The following POU2F2 variants were observed in gnomAD, a reference collection of about 807,000 sequenced individuals.
The protein encoded by POU2F2 is POU class 2 homeobox 2, also known as POU domain, class 2, transcription factor 2.
POU2F2 carries 14 observed loss-of-function variants against 63.5 expected under a neutral mutation model. That is an observed-to-expected ratio of 0.22 (90% confidence interval 0.15 to 0.34). The LOEUF (loss-of-function observed/expected upper bound fraction) is 0.34, where lower values mean the gene tolerates loss of function less well. POU2F2 is among the 10% of genes least tolerant of loss of function. POU2F2 has a pLI of 1.00. For missense variants in POU2F2, 607 were observed against 815.2 expected (o/e 0.74, Z 3.11); for synonymous variants, 306 against 348.6 (o/e 0.88, Z 1.36).
chr19:42,171,308 A>C (rs2034760671), intron 1 of POU2F2, among the ~76,000 whole-genome samples: 1 of 151,636 alleles, frequency 6.6e-6, no homozygotes, highest in African/African-American at 2.4e-5. Context: ...GTGTGTGTGT[A>C]TGCGTGTGTG....
At chr19:42,120,672 G>T (rs954220279) in intron 4 of POU2F2, among the ~76,000 whole-genome samples, 6 of 152,060 alleles carry the variant, frequency 3.9e-5, no homozygotes, top group Admixed American at 3.9e-4. Flanking sequence ...TTCCATTTGT[G>T]AAATTTCCAT....
At chr19:42,116,940 G>T in intron 5 of POU2F2, 1 of 572,894 alleles carries the variant, frequency 1.7e-6, no homozygotes, top group Non-Finnish European at 3.3e-6. Flanking sequence ...GCACGGCGGC[G>T]GCCAGGAGCT....
At chr19:42,185,642 A>G (rs1284715397) in intron 1 of POU2F2, among the ~76,000 whole-genome samples, 1 of 152,118 alleles carries the variant, frequency 6.6e-6, no homozygotes, top group Non-Finnish European at 1.5e-5. Context: ...GCTAACTTCT[A>G]TTTGACTCCA....
chr19:42,185,824 GAC>G (rs2035006524), intron 1 of POU2F2, among the ~76,000 whole-genome samples: 1 of 152,290 alleles, frequency 6.6e-6, no homozygotes, highest in East Asian at 1.9e-4. Context: ...TCCAGTAAGA[GAC>G]ACAAATGCAT....
Position 42,092,581 on chromosome 19 carries a change from C to T in POU2F2, c.1265-311G>A, listed in dbSNP as rs960678626. Reference sequence around the variant, plus strand: ...CCCAGGAGACAAAGCCCTATGGCTCCCTCTAGGGGCTGGGGAGGGGCGAAG... The same window carrying T: ...CCCAGGAGACAAAGCCCTATGGCTCTCTCTAGGGGCTGGGGAGGGGCGAAG... On this transcript the variant is annotated intron_variant, in intron 12 of 14. Coordinates refer to ENST00000692977, the MANE Select transcript of POU2F2 (RefSeq NM_001394376.1). This position sits in a 1 kb window ranked among gnomAD's most constrained non-coding sequence, Gnocchi z 5.0. Among the ~76,000 whole-genome samples, 15 of 152,198 alleles carry T rather than the reference C, an allele frequency of 9.9e-5. No homozygotes were observed. The highest frequency in any genetic ancestry group is 7.2e-4 in the Admixed American group (11 of 15,276).
At chr19:42,172,881 G>A (rs2034798202) in intron 1 of POU2F2, among the ~76,000 whole-genome samples, 1 of 152,212 alleles carries the variant, frequency 6.6e-6, no homozygotes, top group Non-Finnish European at 1.5e-5. Flanking sequence ...AAGAGACAGA[G>A]CCAGTGAAAG....
intron 2 of POU2F2, among the ~76,000 whole-genome samples, chr19:42,158,500 C>T (rs1050975789): frequency 6.6e-5 from 10 of 152,220 alleles, no homozygotes; most frequent in Admixed American, 3.9e-4. Context: ...GTTGCCTTCA[C>T]GCTCTGTGCC....
intron 1 of POU2F2, among the ~76,000 whole-genome samples, chr19:42,161,639 G>C (rs1017805464): frequency 3.3e-5 from 5 of 151,942 alleles, no homozygotes; most frequent in Non-Finnish European, 5.9e-5. Context: ...TGAAGGGAGC[G>C]GGGGCAAAGA....
At chr19:42,119,400 C>T (rs900744263) in intron 4 of POU2F2, among the ~76,000 whole-genome samples, 1 of 152,120 alleles carries the variant, frequency 6.6e-6, no homozygotes, top group Non-Finnish European at 1.5e-5. Flanking sequence ...ATAGGCTGAG[C>T]GCGGTGGCTC....
At chr19:42,135,356 C>T (rs373464533), upstream of POU2F2, among the ~76,000 whole-genome samples, 14 of 152,164 alleles carry the variant, frequency 9.2e-5, no homozygotes, top group Non-Finnish European at 2.9e-5. Context: ...TCTAAGCACA[C>T]GGGGCTTCAG....
chr19:42,149,000 T>C (rs1046087944), intron 2 of POU2F2, among the ~76,000 whole-genome samples: 3 of 151,132 alleles, frequency 2.0e-5, no homozygotes, highest in Non-Finnish European at 4.4e-5. Flanking sequence ...GTCTGCAGCT[T>C]CACCTTCCCA....
intron 4 of POU2F2, among the ~76,000 whole-genome samples, chr19:42,118,476 G>A (rs2032192014): frequency 6.6e-6 from 1 of 152,198 alleles, no homozygotes; most frequent in East Asian, 1.9e-4. Flanking sequence ...AAAAATACTG[G>A]CATAATAAGC....
chr19:42,173,516 C>A (rs1439983359), intron 1 of POU2F2, among the ~76,000 whole-genome samples: 2 of 151,218 alleles, frequency 1.3e-5, no homozygotes, highest in Non-Finnish European at 2.9e-5. Flanking sequence ...TGTATATGAA[C>A]CAGAATGGAG....
intron 2 of POU2F2, among the ~76,000 whole-genome samples, chr19:42,142,602 G>C (rs1304951937): frequency 1.3e-5 from 2 of 151,956 alleles, no homozygotes; most frequent in African/African-American, 4.8e-5. Flanking sequence ...GTCTCACTCT[G>C]TCAACCAGGC....
At chr19:42,129,561 G>A (rs2033515896) in intron 1 of POU2F2, among the ~76,000 whole-genome samples, 1 of 152,196 alleles carries the variant, frequency 6.6e-6, no homozygotes, top group African/African-American at 2.4e-5. Flanking sequence ...AATATAGAGG[G>A]CCCAAGGACT....
intron 1 of POU2F2, among the ~76,000 whole-genome samples, chr19:42,166,108 G>C (rs769787131): frequency 6.6e-6 from 1 of 152,274 alleles, no homozygotes; most frequent in South Asian, 2.1e-4. Flanking sequence ...AGTTGCTGCC[G>C]CAATGGCCCC....
chr19:42,111,327 G>C (rs571781632), intron 5 of POU2F2, among the ~76,000 whole-genome samples: 1 of 151,934 alleles, frequency 6.6e-6, no homozygotes, highest in East Asian at 1.9e-4. Flanking sequence ...ATGTTGCCCA[G>C]GCTAGTCTCG....
chr19:42,142,765 T>C (rs964981633), intron 2 of POU2F2, among the ~76,000 whole-genome samples: 9 of 151,730 alleles, frequency 5.9e-5, no homozygotes, highest in African/African-American at 2.2e-4. Context: ...GATTTCAACA[T>C]GTTGCATGGG....
At position 42,166,440 on chromosome 19, in the gene POU2F2, C is replaced by T. The variant is rs112103488; in HGVS notation, c.-69-6048G>A. 2.5e-3 allele frequency among the ~76,000 whole-genome samples: 387 copies of T among 152,282 alleles called. 7 individuals carry two copies. Among genetic ancestry groups the T allele is most frequent in the African/African-American group, 8.7e-3 (363 of 41,536 alleles). ...AGCTATTATTAGCGTCATCATCACA[C>T]GTGCCACTGCTCTTCATCCCAACAA... On this transcript the variant is annotated intron_variant, in intron 1 of 6. Coordinates refer to the POU2F2 transcript ENST00000524801.
Sources: gnomAD v4.1 joint callset for allele counts (sites outside exome capture counted in the v4.1 genomes callset) on GRCh38, gnomAD v4.1.1 for gene constraint, Gnocchi (gnomAD v3.1) non-coding constraint, MANE v1.5 for transcripts, NCBI Gene and HGNC (gene_info 2026-07-23, HGNC 2026-07-21) for gene names.